NWD1: variants seen among roughly 807,000 people sequenced by gnomAD.
NWD1 encodes NACHT domain- and WD repeat-containing protein 1.
In NWD1, 129 loss-of-function variants were observed where a neutral mutation model predicts 135.1. The observed-to-expected ratio is 0.96, with a 90% CI of 0.83 to 1.11. NWD1 has a LOEUF of 1.11. NWD1 is among the 50% of genes least tolerant of loss of function. The pLI is 0.00. For synonymous variants in NWD1, 773 were observed against 786.0 expected, an observed-to-expected ratio of 0.98 and a Z score of 0.28; for missense variants, 1,740 against 1,851.3, an observed-to-expected ratio of 0.94 and a Z score of 1.10.
chr19:16,750,332 C>G lies in NWD1; in HGVS notation c.1690C>G (p.His564Asp). The change falls in exon 6 of 19, where the codon CAC becomes GAC. Residue 564 changes from histidine to aspartate, a missense_variant. Transcript: ENST00000524140. The stretch of plus-strand genomic sequence containing the variant: ...GGCCACCACCGCAGAGGAAGCCACG[C>G]ACCAACTCTGCACCCGCCTGGAGCA... The part of the protein sequence containing the change: ...PLATTAEEAT[H>D]QLCTRLEQTH... The G allele has an allele frequency of 1.9e-6, 3 of 1,613,102 alleles. No homozygotes were observed. Among genetic ancestry groups the G allele is most frequent in the Non-Finnish European group, 2.5e-6 (3 of 1,179,832 alleles).
chr19:16,753,817 CCAT>C (rs1421036208), intron 6 of NWD1, among the ~76,000 whole-genome samples: 1 of 150,530 alleles, frequency 6.6e-6, no homozygotes, highest in Non-Finnish European at 1.5e-5. Flanking sequence ...CTCCCTCCCT[CCAT>C]CATCTCTATC....
intron 4 of NWD1, among the ~76,000 whole-genome samples, chr19:16,739,037 G>A (rs1967973523): frequency 6.6e-6 from 1 of 150,386 alleles, no homozygotes; most frequent in South Asian, 2.1e-4. Flanking sequence ...CACTTCTATT[G>A]TAATTTGGTG....
intron 10 of NWD1, among the ~76,000 whole-genome samples, chr19:16,771,798 A>G (rs1969422208): frequency 6.6e-6 from 1 of 151,570 alleles, no homozygotes; most frequent in African/African-American, 2.4e-5. Flanking sequence ...CATTCAACAT[A>G]ACATCCTAAA....
At chr19:16,744,319 G>C in intron 4 of NWD1, 102 bp from the exon 5 acceptor site, 1 of 947,740 alleles carries the variant, frequency 1.1e-6, no homozygotes, top group Non-Finnish European at 1.6e-6. Context: ...TGAGGCTGCA[G>C]TGAGCCATGG....
rs149624192 is a variant in NWD1, at chr19:16,814,983, T to C, written c.4288-45T>C. The C allele has an allele frequency of 2.7e-5, 43 of 1,588,712 alleles. No individual in the cohort carries two copies. The African/African-American group carries it at 4.7e-4, about 17-fold the overall frequency. ...TCTGGAATGTGTAGGATTGGACCTC[T>C]ACACCCCATTTTTCTCATTTGTGTC... On this transcript the variant is annotated intron_variant, in intron 18 of 18. Transcript: ENST00000524140.
Position 16,773,207 on chromosome 19 carries a change from G to A in NWD1, c.2492G>A (p.Cys831Tyr). ...CATCCAGCACTGGTGGGACAGCTAT[G>A]CCAACAGGCCCAGAGCTGGTTCCAG... Reference protein sequence around the residue: ...TSHPALVGQLCQQAQSWFQLC... With the variant: ...TSHPALVGQLYQQAQSWFQLC... The change falls in exon 11 of 19, where the codon TGC becomes TAC. Residue 831 changes from cysteine to tyrosine, a missense_variant. Coordinates refer to ENST00000524140, the MANE Select transcript of NWD1 (RefSeq NM_001007525.5). 2 of 1,613,838 alleles carry A rather than the reference G, an allele frequency of 1.2e-6. No individual in the cohort carries two copies. The highest frequency in any genetic ancestry group is 1.7e-6 in the Non-Finnish European group (2 of 1,180,010).
chr19:16,791,507 A>C lies in NWD1; in HGVS notation c.3098A>C (p.Lys1033Thr). Residue 1033 changes from lysine (K) to threonine (T), a missense_variant, in exon 14 of 19, where the codon AAA (lysine) becomes ACA (threonine). Physicochemically the swap from Lys to Thr is moderately conservative, Grantham distance 78. Coordinates refer to ENST00000524140, the MANE Select transcript of NWD1 (RefSeq NM_001007525.5). ...AGTCTGTGGAGCTCAGCTACGGGAA[A>C]ACTTCAGGGGAAGCAACATATGTCC... Reference protein sequence around the residue: ...VVSLWSSATGKLQGKQHMSSI... With the variant: ...VVSLWSSATGTLQGKQHMSSI... The C allele has an allele frequency of 1.2e-6, 2 of 1,614,146 alleles. No homozygotes were observed. Among genetic ancestry groups the C allele is most frequent in the Non-Finnish European group, 1.7e-6 (2 of 1,180,036 alleles).
Position 16,765,093 on chromosome 19 carries a change from G to A in NWD1, c.2311G>A (p.Asp771Asn). 1 of 1,614,100 alleles carries A rather than the reference G, an allele frequency of 6.2e-7. No homozygotes were observed. Reference protein sequence around the residue: ...ISGGIEDLLDDFDLCAPHLDS... With the variant: ...ISGGIEDLLDNFDLCAPHLDS... ...TGGGGGCATTGAAGACCTGCTGGAT[G>A]ACTTTGACCTGTGTGCCCCTCACCT... is the stretch of plus-strand genomic sequence containing the variant. Residue 771 changes from aspartate to asparagine, a missense_variant, in exon 10 of 19, where the codon GAC becomes AAC. By Grantham distance (23) the Asp-to-Asn change is conservative. Coordinates refer to ENST00000524140, the MANE Select transcript of NWD1 (RefSeq NM_001007525.5).
chr19:16,803,400 G>A (rs936804361), intron 17 of NWD1, among the ~76,000 whole-genome samples: 4 of 151,924 alleles, frequency 2.6e-5, no homozygotes, highest in African/African-American at 4.8e-5. Flanking sequence ...GAATTTGGTG[G>A]GGGGGTGGGG....
At chr19:16,726,587 G>C (rs1967337944) in intron 2 of NWD1, among the ~76,000 whole-genome samples, 1 of 152,012 alleles carries the variant, frequency 6.6e-6, no homozygotes, top group South Asian at 2.1e-4. Context: ...TTACAGGCCT[G>C]CGCCACCACA....
chr19:16,808,706 C>G (rs1198614819), intron 18 of NWD1, among the ~76,000 whole-genome samples: 1 of 151,946 alleles, frequency 6.6e-6, no homozygotes, highest in Non-Finnish European at 1.5e-5. Context: ...CTCCTGGGCT[C>G]CAGTGATCCT....
Position 16,807,650 on chromosome 19 carries a change from C to T in NWD1, c.3801C>T (p.Arg1267=), listed in dbSNP as rs1208670091. Residue 1267 remains arginine, a synonymous_variant, in exon 18 of 19, where the codon CGC becomes CGT. Transcript: ENST00000524140. ...EIRCLEVAEQ[R]KLLFTGLVSG... Reference sequence around the variant, plus strand: ...GGTGTCTGGAGGTTGCTGAGCAGCGCAAGCTCCTATTTACGGGCCTCGTGT... The same window carrying T: ...GGTGTCTGGAGGTTGCTGAGCAGCGTAAGCTCCTATTTACGGGCCTCGTGT... The T allele has an allele frequency of 6.3e-7, 1 of 1,590,754 alleles. No homozygotes were observed. Among genetic ancestry groups the T allele is most frequent in the Non-Finnish European group, 8.5e-7 (1 of 1,169,616 alleles).
Position 16,815,380 on chromosome 19 carries a change from G to A in NWD1, c.*341G>A. ...GGGGGTATGGGGCTCCAGTGAGTTA[G>A]CCCCATTTAATCTAGTTAAAGCAAA... On this transcript the variant is annotated 3_prime_UTR_variant, in exon 19 of 19. Transcript: ENST00000524140. 2 of 661,136 alleles carry A rather than the reference G, an allele frequency of 3.0e-6. No homozygotes were observed. Among genetic ancestry groups the A allele is most frequent in the Non-Finnish European group, 5.5e-6 (2 of 366,900 alleles). 41.0% of individuals were successfully genotyped at this position (661,136 alleles called of 1,614,324 possible). A position where few individuals can be genotyped will look rare whatever the true frequency, so the allele number is the denominator to read the frequency against.
chr19:16,812,570 G>A lies in NWD1; in HGVS notation c.4288-2458G>A, dbSNP rs532008468. Among the ~76,000 whole-genome samples, 7 of 152,196 alleles carry A rather than the reference G, an allele frequency of 4.6e-5. No homozygotes were observed. In the South Asian group the frequency reaches 1.5e-3, roughly 32 times the overall value. On this transcript the variant is annotated intron_variant, in intron 18 of 18. Transcript: ENST00000524140. ...TGTAATCCTAGCTACTTGGGAGGCT[G>A]AGGCAGGAGAATCGCTTGAACCTGG...
chr19:16,810,817 TATTA>T (rs1235001480), intron 18 of NWD1, among the ~76,000 whole-genome samples: 4 of 152,198 alleles, frequency 2.6e-5, no homozygotes, highest in South Asian at 2.1e-4. Flanking sequence ...TGAACAGTAC[TATTA>T]ATTAAACTGT....
In NWD1 at chr19:16,797,828, C is replaced by T. The variant is rs73008597; in HGVS notation, c.3401C>T (p.Ala1134Val). Residue 1134 changes from alanine (A) to valine (V), a missense_variant, in exon 16 of 19, where the codon GCT (alanine) becomes GTT (valine). Coordinates refer to ENST00000524140, the MANE Select transcript of NWD1 (RefSeq NM_001007525.5). ...GAACATGAAGACATGGTGGAGACGG[C>T]TGTTTTTGGTACTGAGAACAACCTG... ...DLEHEDMVETAVFGTENNLII... is the reference protein window; with the variant it reads ...DLEHEDMVETVVFGTENNLII... 2.5e-3 allele frequency: 3,979 copies of T among 1,614,062 alleles called. 3 individuals are homozygous for T. Among genetic ancestry groups the T allele is most frequent in the Non-Finnish European group, 3.1e-3 (3,676 of 1,179,940 alleles).
In NWD1 at chr19:16,765,014, T is replaced by C. The variant is rs1969168377; in HGVS notation, c.2252-20T>C. On this transcript the variant is annotated intron_variant, in intron 9 of 18. Transcript: ENST00000524140. ...AGGGAGGTAGGCACTTCCCACATCC[T>C]CCCCCCTTCTCTCCCTCAGGCAGCA... 3.1e-6 allele frequency: 5 copies of C among 1,613,080 alleles called. No homozygotes were observed. The East Asian group carries it at 1.1e-4, about 36-fold the overall frequency.
chr19:16,733,411 C>T (rs887119247), intron 3 of NWD1, among the ~76,000 whole-genome samples: 2 of 151,560 alleles, frequency 1.3e-5, no homozygotes, highest in Non-Finnish European at 2.9e-5. Context: ...ATCCCAGCTA[C>T]TCGGGAGGCT....
At chr19:16,802,961 A>T (rs1970646574) in intron 17 of NWD1, among the ~76,000 whole-genome samples, 1 of 152,014 alleles carries the variant, frequency 6.6e-6, no homozygotes, top group Non-Finnish European at 1.5e-5. Flanking sequence ...AAAAAAAAAA[A>T]AAAAGACATA....
Sources: gnomAD v4.1 joint callset for allele counts (sites outside exome capture counted in the v4.1 genomes callset) on GRCh38, gnomAD v4.1.1 for gene constraint, MANE v1.5 for transcripts, NCBI Gene and HGNC (gene_info 2026-07-23, HGNC 2026-07-21) for gene names.